SGCD: variants seen among roughly 807,000 people sequenced by gnomAD.
The protein encoded by SGCD is delta-sarcoglycan.
In SGCD, 18 loss-of-function variants were observed where a neutral mutation model predicts 36.6. The observed-to-expected ratio is 0.49, with a 90% CI of 0.34 to 0.73. The LOEUF (loss-of-function observed/expected upper bound fraction) is 0.73. Among genes scored for constraint, SGCD ranks in the 30% least tolerant of loss-of-function variants. The pLI, the probability that SGCD is intolerant of heterozygous loss-of-function variation, is 0.01. For synonymous variants in SGCD, 133 were observed against 130.6 expected (o/e 1.02, Z -0.12); for missense variants, 387 against 346.7 (o/e 1.12, Z -0.92).
rs373757725 is a variant in SGCD at position 156,372,902 on chromosome 5, G to GTGACAATATAT, written c.192+28226_192+28227insGACAATATATT. 1.7e-3 allele frequency among the ~76,000 whole-genome samples: 251 copies of GTGACAATATAT among 146,572 alleles called. 1 individual carries two copies. Among genetic ancestry groups the GTGACAATATAT allele is most frequent in the Middle Eastern group, 6.8e-3 (2 of 294 alleles). On this transcript the variant is annotated intron_variant, in intron 3 of 8. Transcript: ENST00000337851. Reference sequence around the variant, plus strand: ...TATTTTCCTTTTATATTCTCTTCAGGTCTTTCTAGGTGACAATCATGTACT... The same window carrying GTGACAATATAT: ...TATTTTCCTTTTATATTCTCTTCAGGTGACAATATATTCTTTCTAGGTGACAATCATGTACT...
At chr5:155,855,084 A>G in the SGCD span, among the ~76,000 whole-genome samples, 1 of 152,028 alleles carries the variant, frequency 6.6e-6, no homozygotes, top group Non-Finnish European at 1.5e-5. Context: ...CCTCAGGCTC[A>G]CCTCTGTAGT....
intron 6 of SGCD, among the ~76,000 whole-genome samples, chr5:156,606,495 G>A (rs1731497868): frequency 6.6e-6 from 1 of 152,136 alleles, no homozygotes; most frequent in African/African-American, 2.4e-5. Context: ...CTCCAGCTTT[G>A]TTCTTTTAGC....
intron 6 of SGCD, among the ~76,000 whole-genome samples, chr5:156,622,633 G>A (rs955454705): frequency 1.3e-5 from 2 of 151,954 alleles, no homozygotes; most frequent in Non-Finnish European, 2.9e-5. Context: ...AAGAAATGGG[G>A]AAAACCGTAT....
chr5:156,469,613 C>T (rs777669964), intron 3 of SGCD, among the ~76,000 whole-genome samples: 91 of 152,232 alleles, frequency 6.0e-4, no homozygotes, highest in Admixed American at 1.2e-3. Context: ...ATAGCTAATA[C>T]GCATTTATCT....
upstream of SGCD, among the ~76,000 whole-genome samples, chr5:155,868,133 C>T (rs1268465818): frequency 1.3e-5 from 2 of 151,866 alleles, no homozygotes. Flanking sequence ...CTCACTACAA[C>T]CTCTGCCTCC....
At chr5:156,153,161 A>G (rs1370453562) in intron 3 of SGCD, among the ~76,000 whole-genome samples, 1 of 151,552 alleles carries the variant, frequency 6.6e-6, no homozygotes, top group African/African-American at 2.4e-5. Context: ...ACACCTTTCT[A>G]TTCTATGAAC....
the SGCD span, among the ~76,000 whole-genome samples, chr5:155,804,910 A>T: frequency 1.3e-5 from 2 of 152,200 alleles, no homozygotes; most frequent in African/African-American, 4.8e-5. Flanking sequence ...TGTAATTCTC[A>T]TGGGGTTTAG....
chr5:155,727,949 G>C, the SGCD span, among the ~76,000 whole-genome samples: 2 of 152,184 alleles, frequency 1.3e-5, no homozygotes, highest in African/African-American at 4.8e-5. Context: ...CCTTGGCGGA[G>C]ACACGTAGTC....
At chr5:155,764,237 G>C in the SGCD span, among the ~76,000 whole-genome samples, 1 of 152,118 alleles carries the variant, frequency 6.6e-6, no homozygotes, top group African/African-American at 2.4e-5. Context: ...ATTAGATAAT[G>C]GTTAATAGGG....
intron 3 of SGCD, among the ~76,000 whole-genome samples, chr5:156,396,584 T>C (rs1322019496): frequency 6.6e-6 from 1 of 152,080 alleles, no homozygotes; most frequent in Non-Finnish European, 1.5e-5. Flanking sequence ...TTAATATGTT[T>C]TGAGTGTTCC....
the SGCD span, among the ~76,000 whole-genome samples, chr5:155,805,757 T>C: frequency 6.6e-6 from 1 of 152,148 alleles, no homozygotes; most frequent in Admixed American, 6.6e-5. Flanking sequence ...TGAGTGTAGG[T>C]CCAGATATCA....
At chr5:156,308,359 C>T (rs980996421) in intron 3 of SGCD, among the ~76,000 whole-genome samples, 4 of 150,820 alleles carry the variant, frequency 2.7e-5, no homozygotes, top group Admixed American at 6.6e-5. Flanking sequence ...ATTGCAGTGG[C>T]GCAATCTCGG....
intron 1 of SGCD, among the ~76,000 whole-genome samples, chr5:155,890,893 A>C (rs1464726759): frequency 2.6e-5 from 4 of 152,132 alleles, no homozygotes; most frequent in African/African-American, 9.7e-5. Context: ...CAGTCGGCCT[A>C]GCTTAGGTCA....
intron 3 of SGCD, among the ~76,000 whole-genome samples, chr5:156,138,515 T>A (rs559734703): frequency 6.6e-6 from 1 of 152,380 alleles, no homozygotes; most frequent in East Asian, 1.9e-4. Context: ...CCATGTTGTC[T>A]TGTGTAAAAG....
At chr5:155,798,675 G>C in the SGCD span, among the ~76,000 whole-genome samples, 1 of 152,020 alleles carries the variant, frequency 6.6e-6, no homozygotes, top group African/African-American at 2.4e-5. Flanking sequence ...CTTTGTTTGC[G>C]GGAGGTGATA....
chr5:156,396,632 A>G (rs2127759123), intron 3 of SGCD, among the ~76,000 whole-genome samples: 1 of 152,250 alleles, frequency 6.6e-6, no homozygotes, highest in African/African-American at 2.4e-5. Context: ...ACAACGTGTG[A>G]CTTATTGACC....
the SGCD span, among the ~76,000 whole-genome samples, chr5:155,738,721 AGTGT>A: frequency 1.8e-4 from 27 of 147,588 alleles, no homozygotes; most frequent in Non-Finnish European, 1.0e-4. Flanking sequence ...AGTGTGAGAG[AGTGT>A]GTGTGAGAGA....
At chr5:156,455,721 T>A (rs1754228488) in intron 3 of SGCD, among the ~76,000 whole-genome samples, 1 of 152,206 alleles carries the variant, frequency 6.6e-6, no homozygotes, top group Non-Finnish European at 1.5e-5. Context: ...ATTTTTATTT[T>A]AAAAAATGTA....
At chr5:156,196,224 A>T (rs1324413780) in intron 3 of SGCD, among the ~76,000 whole-genome samples, 2 of 152,134 alleles carry the variant, frequency 1.3e-5, no homozygotes, top group Non-Finnish European at 2.9e-5. Flanking sequence ...ACTTCTCTAT[A>T]TTAAATTCCA....
Sources: gnomAD v4.1 joint callset for allele counts (sites outside exome capture counted in the v4.1 genomes callset) on GRCh38, gnomAD v4.1.1 for gene constraint, MANE v1.5 for transcripts, NCBI Gene and HGNC (gene_info 2026-07-23, HGNC 2026-07-21) for gene names.